The following ZNF486 variants were observed in gnomAD, a reference collection of about 807,000 sequenced individuals.
The protein encoded by ZNF486 is KRAB box only protein 2.
ZNF486 carries 12 observed loss-of-function variants against 12.8 expected under a neutral mutation model. That is an observed-to-expected ratio of 0.94 (90% CI 0.60 to 1.52). The LOEUF is 1.52. Among genes scored for constraint, ZNF486 ranks in the 40% most tolerant of loss-of-function variants. ZNF486 has a pLI of 0.00. For missense variants in ZNF486, 738 were observed against 545.0 expected (o/e 1.35, Z -3.53); for synonymous variants, 231 against 184.9 (o/e 1.25, Z -2.02).
Position 20,178,048 on chromosome 19 carries a change from T to G in ZNF486, c.31-6308T>G, listed in dbSNP as rs144222321. ...AAGAGATTCTCCTGCCTCGGCCCTT[T>G]GAGTAGCTGGGATTACAGGTGCCTG... is the stretch of plus-strand genomic sequence containing the variant. On this transcript the variant is annotated intron_variant, in intron 1 of 3. Coordinates refer to ENST00000335117, the MANE Select transcript of ZNF486 (RefSeq NM_052852.4). Among the ~76,000 whole-genome samples, 1,512 of 151,424 alleles carry G rather than the reference T, an allele frequency of 1.0e-2. 8 individuals carry two copies. The highest frequency in any genetic ancestry group is 0.016 in the Non-Finnish European group (1,066 of 67,882).
At chr19:20,196,368 G>T (rs901202563) in intron 3 of ZNF486, among the ~76,000 whole-genome samples, 11 of 151,986 alleles carry the variant, frequency 7.2e-5, no homozygotes, top group Non-Finnish European at 2.9e-5. Flanking sequence ...TTGCTCTGTC[G>T]CCCAGGCCGG....
At position 20,189,829 on chromosome 19, in the gene ZNF486, G is replaced by A. The variant is rs1203263501; in HGVS notation, c.253+3747G>A. Among the ~76,000 whole-genome samples the A allele has an allele frequency of 2.0e-5, 3 of 152,132 alleles. No individual in the cohort carries two copies. The East Asian group carries it at 5.8e-4, about 29-fold the overall frequency. On this transcript the variant is annotated intron_variant, in intron 3 of 3. Coordinates refer to ENST00000335117, the MANE Select transcript of ZNF486 (RefSeq NM_052852.4). ...TACAGAAATTTTGATGTCTAGTGTAGTTAAACTTTTCTTGTATTTGTTGCT... is the reference window on the plus strand; with the variant it reads ...TACAGAAATTTTGATGTCTAGTGTAATTAAACTTTTCTTGTATTTGTTGCT...
At chr19:20,171,998 T>C (rs10416454) in intron 1 of ZNF486, among the ~76,000 whole-genome samples, 149 of 151,976 alleles carry the variant, frequency 9.8e-4, no homozygotes, top group African/African-American at 3.6e-3. Context: ...TTTTTTTTTT[T>C]CCTTTCATTT....
intron 3 of ZNF486, among the ~76,000 whole-genome samples, chr19:20,195,627 T>A (rs1478236156): frequency 6.6e-6 from 1 of 152,252 alleles, no homozygotes; most frequent in African/African-American, 2.4e-5. Flanking sequence ...CCTGTTACAA[T>A]CTTTATAATA....
At chr19:20,184,529 T>G in intron 2 of ZNF486, 47 bp downstream of exon 2, 1 of 1,528,624 alleles carries the variant, frequency 6.5e-7, no homozygotes, top group African/African-American at 1.4e-5. Flanking sequence ...CCAAAAGTTT[T>G]ATTTCTCTTT....
chr19:20,168,025 C>G (rs2089603995), intron 1 of ZNF486, among the ~76,000 whole-genome samples: 1 of 151,646 alleles, frequency 6.6e-6, no homozygotes. Flanking sequence ...TGACCCCAGC[C>G]AATAGGGGAA....
At chr19:20,171,105 T>C (rs567143964) in intron 1 of ZNF486, among the ~76,000 whole-genome samples, 1 of 152,294 alleles carries the variant, frequency 6.6e-6, no homozygotes, top group East Asian at 1.9e-4. Context: ...GCAATAAGTT[T>C]GTGTTGGAGA....
At chr19:20,170,421 G>A (rs1341786775) in intron 1 of ZNF486, among the ~76,000 whole-genome samples, 1 of 152,018 alleles carries the variant, frequency 6.6e-6, no homozygotes, top group Non-Finnish European at 1.5e-5. Context: ...ACAAAAATTA[G>A]CCAAGCGTCT....
chr19:20,193,024 C>T (rs1269304052), intron 3 of ZNF486, among the ~76,000 whole-genome samples: 8 of 151,132 alleles, frequency 5.3e-5, no homozygotes, highest in Admixed American at 1.3e-4. Context: ...TTATTTTGTA[C>T]TGGCATGCTT....
intron 3 of ZNF486, among the ~76,000 whole-genome samples, 191 bp from the exon 4 acceptor site, chr19:20,196,773 A>G (rs1170531047): frequency 6.6e-6 from 1 of 152,172 alleles, no homozygotes; most frequent in Non-Finnish European, 1.5e-5. Flanking sequence ...ACTCACTTAT[A>G]AATTTTTTAC....
At chr19:20,176,439 C>G (rs1555714810) in intron 1 of ZNF486, 4 of 205,858 alleles carry the variant, frequency 1.9e-5, no homozygotes, top group Admixed American at 5.9e-5. Context: ...CGGGCAGAGG[C>G]TGCAATCTCG....
rs561008627 is a variant in ZNF486, at chr19:20,199,363, C to T, written c.*1261C>T. 6.6e-5 allele frequency: 10 copies of T among 152,284 alleles called. No individual in the cohort carries two copies. The South Asian group carries it at 1.0e-3, about 16-fold the overall frequency. The allele number at this position is 152,284 out of a possible 1,614,324, so 9.4% of individuals were successfully genotyped here. A position where few individuals can be genotyped will look rare whatever the true frequency, so the allele number is the denominator to read the frequency against. ...AGGAAACCCTAAAGCGGTTGCCAAA[C>T]TTTGTGCAACATCAGGGAATGTATA... On this transcript the variant is annotated 3_prime_UTR_variant, in exon 4 of 4. Transcript: ENST00000335117.
chr19:20,176,430 G>A (rs889875647), intron 1 of ZNF486: 4 of 203,124 alleles, frequency 2.0e-5, no homozygotes, highest in African/African-American at 4.8e-5. Flanking sequence ...GGTGGCGGCC[G>A]GGCAGAGGCT....
intron 1 of ZNF486, among the ~76,000 whole-genome samples, chr19:20,180,021 AGTT>A (rs1463372169): frequency 6.6e-6 from 1 of 152,248 alleles, no homozygotes. Context: ...CCACCAAGGC[AGTT>A]GTTTTCTATT....
intron 1 of ZNF486, chr19:20,175,068 A>G (rs1430429414): frequency 6.6e-6 from 1 of 152,222 alleles, no homozygotes; most frequent in East Asian, 1.9e-4. Context: ...CCTCCATTCA[A>G]TGGCTAGGAG....
intron 1 of ZNF486, among the ~76,000 whole-genome samples, chr19:20,168,540 G>A (rs1210574115): frequency 6.6e-6 from 1 of 151,984 alleles, no homozygotes; most frequent in South Asian, 2.1e-4. Flanking sequence ...TGTAATCCCA[G>A]CTACTCGGGA....
At chr19:20,188,051 T>A (rs577510119) in intron 3 of ZNF486, among the ~76,000 whole-genome samples, 97 of 152,238 alleles carry the variant, frequency 6.4e-4, no homozygotes, top group African/African-American at 2.2e-3. Flanking sequence ...AGGGTATGTT[T>A]TTGTAGTCAG....
intron 1 of ZNF486, among the ~76,000 whole-genome samples, chr19:20,170,835 A>T (rs1483810099): frequency 1.3e-5 from 2 of 152,050 alleles, no homozygotes; most frequent in Non-Finnish European, 2.9e-5. Context: ...TGTTGTATGC[A>T]TTTCTTCCTT....
At chr19:20,177,866 A>G (rs1265856756) in intron 1 of ZNF486, among the ~76,000 whole-genome samples, 2 of 151,070 alleles carry the variant, frequency 1.3e-5, no homozygotes, top group Admixed American at 6.6e-5. Flanking sequence ...ACGAGCCACC[A>G]CACCCAGCCA....
Sources: allele counts gnomAD v4.1 joint callset (sites outside exome capture counted in the v4.1 genomes callset), GRCh38; gene constraint gnomAD v4.1.1; transcripts MANE v1.5; gene names NCBI Gene and HGNC (gene_info 2026-07-23, HGNC 2026-07-21).